Variants in MALT1 observed in about 807,000 individuals in gnomAD.
MALT1 encodes the protein mucosa-associated lymphoid tissue lymphoma translocation protein 1.
A neutral mutation model predicts 85.5 loss-of-function variants in MALT1; 36 were observed. That is an observed-to-expected ratio of 0.42 (90% CI 0.32 to 0.56). MALT1 has a LOEUF of 0.56. Ranked by LOEUF, MALT1 falls within the 20% of genes least tolerant of loss-of-function variation. The pLI is 0.10. For missense variants in MALT1, 716 were observed against 981.6 expected (o/e 0.73, Z 3.62); for synonymous variants, 359 against 361.3 (o/e 0.99, Z 0.07).
chr18:58,688,761 G>T (rs1404657088), intron 2 of MALT1, among the ~76,000 whole-genome samples: 4 of 152,006 alleles, frequency 2.6e-5, no homozygotes, highest in Admixed American at 1.3e-4. Flanking sequence ...TTCATGAGCC[G>T]TGTCCTGGTG....
chr18:58,744,045 T>TTGAGG, intron 14 of MALT1, among the ~76,000 whole-genome samples: 1 of 137,262 alleles, frequency 7.3e-6, no homozygotes, highest in East Asian at 3.0e-4. Flanking sequence ...TTATTAAAAA[T>TTGAGG]TCTGGTCATA....
chr18:58,687,923 C>T (rs925398128), intron 2 of MALT1, among the ~76,000 whole-genome samples: 1 of 152,240 alleles, frequency 6.6e-6, no homozygotes, highest in Admixed American at 6.5e-5. Flanking sequence ...CCCAGGCTTA[C>T]AGGAAATCAA....
chr18:58,714,873 C>T (rs2054878934), intron 8 of MALT1, among the ~76,000 whole-genome samples: 1 of 152,138 alleles, frequency 6.6e-6, no homozygotes, highest in African/African-American at 2.4e-5. Flanking sequence ...TTGTAGAAAA[C>T]CCTATTACTT....
At chr18:58,727,616 G>GGTTT (rs1555688173) in intron 10 of MALT1, among the ~76,000 whole-genome samples, 2 of 121,264 alleles carry the variant, frequency 1.6e-5, no homozygotes, top group African/African-American at 6.5e-5. Flanking sequence ...GGTTTTTTGT[G>GGTTT]TTTTTTTTTT....
chr18:58,692,812 G>A (rs1049544521), intron 2 of MALT1, among the ~76,000 whole-genome samples: 1 of 152,138 alleles, frequency 6.6e-6, no homozygotes, highest in Non-Finnish European at 1.5e-5. Flanking sequence ...AGTTCTTGAA[G>A]GTAATTAAAA....
chr18:58,737,106 T>C lies in MALT1; in HGVS notation c.1603+1777T>C, dbSNP rs377270256. 1.4e-3 allele frequency among the ~76,000 whole-genome samples: 215 copies of C among 152,266 alleles called. 7 individuals are homozygous for C. The South Asian group carries it at 0.042, about 30-fold the overall frequency. On this transcript the variant is annotated intron_variant, in intron 13 of 16. Transcript: ENST00000649217. Reference sequence around the variant, plus strand: ...CTGTAATCCCAGCACTTTGGGAGGCTGAGGTAGGAGGATTGCTTGAGCCCA... The same window carrying C: ...CTGTAATCCCAGCACTTTGGGAGGCCGAGGTAGGAGGATTGCTTGAGCCCA...
At chr18:58,725,160 A>G (rs916077105) in intron 10 of MALT1, among the ~76,000 whole-genome samples, 9 of 151,876 alleles carry the variant, frequency 5.9e-5, no homozygotes, top group African/African-American at 2.2e-4. Flanking sequence ...AAAATAAAAT[A>G]AAAACACGAA....
chr18:58,745,525 G>A, intron 15 of MALT1, 141 bp from the exon 16 acceptor site: 1 of 628,334 alleles, frequency 1.6e-6, no homozygotes, highest in Non-Finnish European at 2.7e-6. Context: ...GTTTAGTCCT[G>A]GATAATTTTG....
chr18:58,750,908 G>A lies in MALT1; in HGVS notation c.*3066G>A, dbSNP rs73453387. 62 of 152,276 alleles carry A rather than the reference G, an allele frequency of 4.1e-4. No homozygotes were observed. Among genetic ancestry groups the A allele is most frequent in the African/African-American group, 1.5e-3 (61 of 41,560 alleles). The allele number at this position is 152,276 out of a possible 1,614,324, so 9.4% of individuals were successfully genotyped here. On this transcript the variant is annotated 3_prime_UTR_variant, in exon 17 of 17. Coordinates refer to ENST00000649217, the MANE Select transcript of MALT1 (RefSeq NM_006785.4). ...CAAAATTAACTTTAGCGCCTTAAAG[G>A]ACACCATTAAGAAAGTGAAGTTAAC...
intron 9 of MALT1, among the ~76,000 whole-genome samples, chr18:58,718,985 G>C (rs933655790): frequency 3.3e-5 from 5 of 152,204 alleles, no homozygotes; most frequent in African/African-American, 1.2e-4. Flanking sequence ...GCATGAAATA[G>C]ATGGTGTGGG....
rs2055007796 is a variant in MALT1, at chr18:58,723,170, G to T, written c.1141G>T (p.Val381Phe). ...NLLRQLDFKV[V>F]SLLDLTEYEM... Reference sequence around the variant, plus strand: ...ACTGAGACAGCTGGACTTCAAAGTGGTTTCACTGTTGGATCTTACTGAATA... The same window carrying T: ...ACTGAGACAGCTGGACTTCAAAGTGTTTTCACTGTTGGATCTTACTGAATA... The change falls in exon 10 of 17, where the codon GTT (valine) becomes TTT (phenylalanine). Residue 381 changes from valine (V) to phenylalanine (F), a missense_variant. Transcript: ENST00000649217. 6.2e-7 allele frequency: 1 copy of T among 1,613,832 alleles called. No homozygotes were observed. Among genetic ancestry groups the T allele is most frequent in the Non-Finnish European group, 8.5e-7 (1 of 1,179,850 alleles).
chr18:58,718,690 C>G (rs1268064467), intron 9 of MALT1, among the ~76,000 whole-genome samples: 1 of 152,140 alleles, frequency 6.6e-6, no homozygotes, highest in South Asian at 2.1e-4. Context: ...TTTGTGAATT[C>G]AAGGCTTTGG....
intron 4 of MALT1, among the ~76,000 whole-genome samples, chr18:58,709,009 G>A (rs555799777): frequency 2.0e-5 from 3 of 152,302 alleles, no homozygotes; most frequent in African/African-American, 7.2e-5. Flanking sequence ...TGCCAATATC[G>A]TTCAAGATGT....
chr18:58,687,782 T>G (rs1246997560), intron 2 of MALT1, among the ~76,000 whole-genome samples: 1 of 152,172 alleles, frequency 6.6e-6, no homozygotes, highest in African/African-American at 2.4e-5. Context: ...TTATCCTAAT[T>G]TATCTTTCTT....
intron 13 of MALT1, 66 bp downstream of exon 13, chr18:58,735,395 G>C: frequency 6.6e-7 from 1 of 1,510,706 alleles, no homozygotes; most frequent in Non-Finnish European, 8.8e-7. Flanking sequence ...ACCTATTCAG[G>C]GTTCCCTCTC....
At chr18:58,721,911 T>C (rs1422367867) in intron 9 of MALT1, among the ~76,000 whole-genome samples, 1 of 152,158 alleles carries the variant, frequency 6.6e-6, no homozygotes, top group Non-Finnish European at 1.5e-5. Context: ...GGCCTGCAGT[T>C]CTACCCAGGC....
chr18:58,739,779 T>C (rs1005284500), intron 13 of MALT1, among the ~76,000 whole-genome samples: 1 of 149,158 alleles, frequency 6.7e-6, no homozygotes, highest in Admixed American at 6.7e-5. Flanking sequence ...GTCAGTCCCT[T>C]CTTCTCACTG....
At chr18:58,716,293 G>T (rs1261882788) in intron 9 of MALT1, among the ~76,000 whole-genome samples, 5 of 152,178 alleles carry the variant, frequency 3.3e-5, no homozygotes, top group Admixed American at 2.6e-4. Context: ...CTTGGTGAGG[G>T]ATAGAAATCA....
intron 13 of MALT1, among the ~76,000 whole-genome samples, chr18:58,737,890 C>G (rs2055247077): frequency 6.6e-6 from 1 of 152,118 alleles, no homozygotes; most frequent in African/African-American, 2.4e-5. Context: ...GCCCACCTTA[C>G]CAATTTCAAC....
Sources: allele counts gnomAD v4.1 joint callset (sites outside exome capture counted in the v4.1 genomes callset), GRCh38; gene constraint gnomAD v4.1.1; transcripts MANE v1.5; gene names NCBI Gene and HGNC (gene_info 2026-07-23, HGNC 2026-07-21).